The following ANKS1B variants were observed in gnomAD, a reference collection of about 807,000 sequenced individuals.
ANKS1B encodes the protein ankyrin repeat and sterile alpha motif domain-containing protein 1B.
Under a neutral mutation model 148.3 loss-of-function variants are expected in ANKS1B, and 36 were observed. The ratio of observed to expected loss-of-function variants is 0.24; its 90% CI spans 0.19 to 0.32. The LOEUF (loss-of-function observed/expected upper bound fraction) is 0.32, where lower values mean the gene tolerates loss of function less well. ANKS1B is among the 10% of genes least tolerant of loss of function. The pLI, the probability that ANKS1B is intolerant of heterozygous loss-of-function variation, is 1.00. For synonymous variants in ANKS1B, 542 were observed against 560.8 expected, an observed-to-expected ratio of 0.97 and a Z score of 0.47; for missense variants, 1,157 against 1,542.6, an observed-to-expected ratio of 0.75 and a Z score of 4.19.
chr12:99,319,840 T>C (rs1318369721), intron 12 of ANKS1B, among the ~76,000 whole-genome samples: 4 of 152,216 alleles, frequency 2.6e-5, no homozygotes, highest in East Asian at 1.9e-4. Flanking sequence ...CGGTTGTTCC[T>C]TTCCATGTTT....
chr12:99,556,868 T>C (rs956820418), intron 9 of ANKS1B, among the ~76,000 whole-genome samples: 2 of 152,188 alleles, frequency 1.3e-5, no homozygotes, highest in African/African-American at 2.4e-5. Flanking sequence ...GCCGATTGTG[T>C]GGTTGCTTTT....
At chr12:99,265,884 A>G (rs1472657842) in intron 12 of ANKS1B, among the ~76,000 whole-genome samples, 1 of 152,178 alleles carries the variant, frequency 6.6e-6, no homozygotes, top group East Asian at 1.9e-4. Context: ...GGAATTATAT[A>G]TCTTCAGTCC....
At chr12:98,911,735 C>G (rs142755166) in intron 17 of ANKS1B, among the ~76,000 whole-genome samples, 1 of 152,160 alleles carries the variant, frequency 6.6e-6, no homozygotes, top group African/African-American at 2.4e-5. Context: ...AAAGTAACAA[C>G]CCTGTGTATG....
At chr12:99,031,265 A>C (rs1208920530) in intron 17 of ANKS1B, among the ~76,000 whole-genome samples, 3 of 152,226 alleles carry the variant, frequency 2.0e-5, no homozygotes, top group Non-Finnish European at 4.4e-5. Context: ...GTTCTAAATC[A>C]TATGCCAGGA....
intron 10 of ANKS1B, among the ~76,000 whole-genome samples, chr12:99,473,308 AATAC>A (rs1439163926): frequency 5.9e-5 from 9 of 152,026 alleles, no homozygotes; most frequent in African/African-American, 2.2e-4. Flanking sequence ...TATTTTAACT[AATAC>A]ATAGTGTTCC....
intron 9 of ANKS1B, among the ~76,000 whole-genome samples, chr12:99,571,148 T>C (rs73141665): frequency 0.14 from 21,063 of 152,060 alleles, 1,654 homozygotes; most frequent in Non-Finnish European, 0.17. Context: ...TCCCAATTTT[T>C]AAAAGCTCAA....
chr12:99,421,498 G>A (rs1355835709), intron 11 of ANKS1B, among the ~76,000 whole-genome samples: 1 of 152,064 alleles, frequency 6.6e-6, no homozygotes, highest in Non-Finnish European at 1.5e-5. Flanking sequence ...TTGGAGGAGT[G>A]AGGGCTCATG....
intron 16 of ANKS1B, among the ~76,000 whole-genome samples, chr12:99,065,594 C>CCATT (rs1427176754): frequency 6.9e-5 from 3 of 43,600 alleles, no homozygotes; most frequent in African/African-American, 1.5e-4. Context: ...TTCCATTCAT[C>CCATT]CATCCATCCA....
chr12:98,818,171 C>T (rs12816737), intron 19 of ANKS1B, among the ~76,000 whole-genome samples: 61 of 128,974 alleles, frequency 4.7e-4, no homozygotes, highest in Admixed American at 5.6e-4. Flanking sequence ...CTCCCTCCCT[C>T]CCTTCCTTCC....
intron 15 of ANKS1B, among the ~76,000 whole-genome samples, chr12:99,153,904 C>T (rs1228850177): frequency 6.6e-6 from 1 of 152,082 alleles, no homozygotes; most frequent in Non-Finnish European, 1.5e-5. Context: ...AATGCTGATG[C>T]TCAAGTGAAA....
chr12:99,725,885 C>T (rs1202116546), intron 8 of ANKS1B, among the ~76,000 whole-genome samples: 2 of 152,138 alleles, frequency 1.3e-5, no homozygotes, highest in African/African-American at 4.8e-5. Context: ...GAACAACCTG[C>T]TCCTGAAGGA....
chr12:99,004,133 G>A (rs978930530), intron 17 of ANKS1B, among the ~76,000 whole-genome samples: 1 of 152,114 alleles, frequency 6.6e-6, no homozygotes, highest in African/African-American at 2.4e-5. Flanking sequence ...TCAATTCTCA[G>A]AGGGAGCAGC....
At chr12:99,085,472 T>C (rs865827981) in intron 15 of ANKS1B, among the ~76,000 whole-genome samples, 12 of 152,268 alleles carry the variant, frequency 7.9e-5, no homozygotes, top group East Asian at 3.9e-4. Flanking sequence ...TTGATATGAA[T>C]GAATCATTTT....
At chr12:99,637,269 C>T (rs2098247444) in intron 9 of ANKS1B, among the ~76,000 whole-genome samples, 1 of 152,178 alleles carries the variant, frequency 6.6e-6, no homozygotes, top group Non-Finnish European at 1.5e-5. Flanking sequence ...CGTGCCACTG[C>T]ACTCCAGCTT....
intron 14 of ANKS1B, among the ~76,000 whole-genome samples, chr12:99,237,990 G>A (rs2088347929): frequency 6.6e-6 from 1 of 152,232 alleles, no homozygotes; most frequent in African/African-American, 2.4e-5. Flanking sequence ...CGATGCAGAA[G>A]ATGGGTGATT....
intron 17 of ANKS1B, among the ~76,000 whole-genome samples, chr12:98,878,766 G>A (rs187656121): frequency 7.2e-5 from 11 of 152,286 alleles, no homozygotes; most frequent in African/African-American, 2.4e-4. Flanking sequence ...TGATACAACC[G>A]ATAATTTTAT....
chr12:99,937,246 C>G lies in ANKS1B; in HGVS notation c.134+46858G>C, dbSNP rs78395638. Among the ~76,000 whole-genome samples, 1,327 of 152,214 alleles carry G rather than the reference C, an allele frequency of 8.7e-3. 21 individuals are homozygous for G. Among genetic ancestry groups the G allele is most frequent in the African/African-American group, 0.03 (1,266 of 41,532 alleles). On this transcript the variant is annotated intron_variant, in intron 1 of 26. Coordinates refer to ENST00000683438, the MANE Select transcript of ANKS1B (RefSeq NM_001352186.2). ...GCAGGAGAGCCCTTCTTCTTCCCAC[C>G]CTTCTCTGCAGGGGCCATTCTGCCA...
At chr12:98,936,258 A>C (rs1225777170) in intron 17 of ANKS1B, among the ~76,000 whole-genome samples, 1 of 152,156 alleles carries the variant, frequency 6.6e-6, no homozygotes, top group Non-Finnish European at 1.5e-5. Context: ...ATTCTGTGGC[A>C]ATGTTAGAAT....
chr12:99,572,824 C>T (rs2097474515), intron 9 of ANKS1B, among the ~76,000 whole-genome samples: 1 of 151,888 alleles, frequency 6.6e-6, no homozygotes, highest in African/African-American at 2.4e-5. Context: ...TTGTATAAGG[C>T]TTTAATTTAT....
Sources: allele counts gnomAD v4.1 joint callset (sites outside exome capture counted in the v4.1 genomes callset), GRCh38; gene constraint gnomAD v4.1.1; transcripts MANE v1.5; gene names NCBI Gene and HGNC (gene_info 2026-07-23, HGNC 2026-07-21).